THBS2: variants seen among roughly 807,000 people sequenced by gnomAD.
THBS2 encodes the protein thrombospondin-2.
In THBS2, 47 loss-of-function variants were observed where a neutral mutation model predicts 135.2. The observed-to-expected ratio is 0.35, with a 90% CI of 0.28 to 0.44. The LOEUF (loss-of-function observed/expected upper bound fraction) is 0.44. Ranked by LOEUF, THBS2 falls within the 20% of genes least tolerant of loss-of-function variation. The pLI, the probability that THBS2 is intolerant of heterozygous loss-of-function variation, is 1.00. For synonymous variants in THBS2, 639 were observed against 633.8 expected, an observed-to-expected ratio of 1.01 and a Z score of -0.12; for missense variants, 1,288 against 1,603.1, an observed-to-expected ratio of 0.80 and a Z score of 3.36.
Position 169,248,600 on chromosome 6 carries a change from G to T in THBS2, c.426C>A (p.Val142=), listed in dbSNP as rs570537028. The part of the protein sequence containing the change: ...GTRHVVSLED[V]GLADSQWKNV... ...TCTTCCACTGCGAGTCAGCCAGGCCGACGTCCTCCAGGGAGACCACATGCC... is the reference window on the plus strand; with the variant it reads ...TCTTCCACTGCGAGTCAGCCAGGCCTACGTCCTCCAGGGAGACCACATGCC... Residue 142 remains valine, a synonymous_variant, in exon 3 of 22, where the codon GTC becomes GTA. Transcript: ENST00000617924. 9.9e-6 allele frequency: 16 copies of T among 1,614,024 alleles called. No homozygotes were observed. In the African/African-American group the frequency reaches 1.3e-4, roughly 13 times the overall value.
At chr6:169,240,069 C>G (rs1780236060) in intron 6 of THBS2, among the ~76,000 whole-genome samples, 1 of 152,236 alleles carries the variant, frequency 6.6e-6, no homozygotes, top group African/African-American at 2.4e-5. Context: ...GCTAAATTGT[C>G]TGTCTGTAAG....
rs1780319196 is a variant in THBS2 at position 169,241,933 on chromosome 6, G to A, written c.720C>T (p.Asn240=). ...GCGGACCCAGGCGCAGCGTCTCTGTGTTCTCACTGATGGCGTTGATCTCAG... is the reference window on the plus strand; with the variant it reads ...GCGGACCCAGGCGCAGCGTCTCTGTATTCTCACTGATGGCGTTGATCTCAG... ...QGAEINAISE[N]TETLRLGPHV... Residue 240 remains asparagine, a synonymous_variant, in exon 5 of 22, where the codon AAC becomes AAT. Coordinates refer to ENST00000617924, the MANE Select transcript of THBS2 (RefSeq NM_003247.5). The surrounding 1 kb of genome is among the most constrained non-coding windows in gnomAD (Gnocchi z 5.5). 1.9e-6 allele frequency: 3 copies of A among 1,611,066 alleles called. No individual in the cohort carries two copies. The highest frequency in any genetic ancestry group is 2.5e-6 in the Non-Finnish European group (3 of 1,179,506).
At chr6:169,232,318 G>C in intron 12 of THBS2, 120 bp from the exon 13 acceptor site, 1 of 1,134,576 alleles carries the variant, frequency 8.8e-7, no homozygotes, top group South Asian at 1.4e-5. Flanking sequence ...CCCAAGTCCT[G>C]AAGTGGGAAG....
chr6:169,246,117 A>G (rs996160928), intron 4 of THBS2, 80 bp downstream of exon 4: 1 of 1,004,160 alleles, frequency 1.0e-6, no homozygotes, highest in African/African-American at 1.6e-5. Flanking sequence ...GCACACACAT[A>G]CACACACACA....
intron 14 of THBS2, 150 bp downstream of exon 14, chr6:169,229,422 T>C (rs542130521): frequency 1.7e-6 from 1 of 599,702 alleles, no homozygotes; most frequent in South Asian, 2.4e-5. Flanking sequence ...AAGGACTGTC[T>C]TTATAGTGAC....
At chr6:169,230,887 CAG>C (rs1035907964) in intron 13 of THBS2, among the ~76,000 whole-genome samples, 3 of 152,022 alleles carry the variant, frequency 2.0e-5, no homozygotes, top group Admixed American at 1.3e-4. Flanking sequence ...GCGGGACTGA[CAG>C]AGAAAATTAA....
Position 169,237,137 on chromosome 6 carries a change from G to A in THBS2, c.1477+33C>T, listed in dbSNP as rs116572125. The A allele has an allele frequency of 1.1e-3, 1,724 of 1,575,080 alleles. 22 individuals are homozygous for A. The African/African-American group carries it at 0.019, about 18-fold the overall frequency. On this transcript the variant is annotated intron_variant, in intron 9 of 21. Coordinates refer to ENST00000617924, the MANE Select transcript of THBS2 (RefSeq NM_003247.5). Reference sequence around the variant, plus strand: ...CTCACTGTGAGCTGCCTGCAAGCCCGCCCACCCAGGGCCCCGCCTTCACCG... The same window carrying A: ...CTCACTGTGAGCTGCCTGCAAGCCCACCCACCCAGGGCCCCGCCTTCACCG...
chr6:169,220,191 C>A lies in THBS2; in HGVS notation c.3511+7G>T, dbSNP rs779697543. The A allele has an allele frequency of 1.9e-6, 3 of 1,612,782 alleles. No homozygotes were observed. The highest frequency in any genetic ancestry group is 2.5e-6 in the Non-Finnish European group (3 of 1,179,426). ...CTTCCCCACTAACCTGAAGTGCTCA[C>A]ACTCACCTCTGCATTCGTACTTGAG... On this transcript the variant is annotated splice_region_variant and intron_variant, in intron 21 of 21. Coordinates refer to ENST00000617924, the MANE Select transcript of THBS2 (RefSeq NM_003247.5).
Position 169,237,932 on chromosome 6 carries a change from C to T in THBS2, c.1130-137G>A, listed in dbSNP as rs1386949230. The T allele has an allele frequency of 4.4e-6, 5 of 1,143,844 alleles. No homozygotes were observed. In the South Asian group the frequency reaches 8.4e-5, roughly 19 times the overall value. 70.9% of individuals were successfully genotyped at this position (1,143,844 alleles called of 1,614,324 possible). On this transcript the variant is annotated intron_variant, in intron 7 of 21. Coordinates refer to ENST00000617924, the MANE Select transcript of THBS2 (RefSeq NM_003247.5). ...CTGAGGGGCCACTGCCTGGCTGGGG[C>T]AGGTGGACATCCCAGTGGCTGGGCC...
At chr6:169,244,482 C>T (rs1780478507) in intron 4 of THBS2, among the ~76,000 whole-genome samples, 1 of 151,984 alleles carries the variant, frequency 6.6e-6, no homozygotes, top group African/African-American at 2.4e-5. Flanking sequence ...AATTATAGTA[C>T]AAACATGTGA....
At chr6:169,229,011 C>A (rs1411994153) in intron 14 of THBS2, among the ~76,000 whole-genome samples, 1 of 151,644 alleles carries the variant, frequency 6.6e-6, no homozygotes, top group Non-Finnish European at 1.5e-5. Flanking sequence ...TTGTAGATTG[C>A]TAAGGCAAAA....
At chr6:169,248,377 CT>C in intron 3 of THBS2, 39 bp downstream of exon 3, 1 of 1,562,662 alleles carries the variant, frequency 6.4e-7, no homozygotes, top group Non-Finnish European at 8.7e-7. Context: ...CAGCTAAGCT[CT>C]TTCCTCCCTC....
At position 169,216,935 on chromosome 6, in the gene THBS2, C is replaced by T. The variant is rs772540472; in HGVS notation, c.*887G>A. 1 of 152,234 alleles carries T rather than the reference C, an allele frequency of 6.6e-6. No individual in the cohort carries two copies. The highest frequency in any genetic ancestry group is 6.5e-5 in the Admixed American group (1 of 15,284). 9.4% of individuals were successfully genotyped at this position (152,234 alleles called of 1,614,324 possible). A position where few individuals can be genotyped will look rare whatever the true frequency, so the allele number is the denominator to read the frequency against. On this transcript the variant is annotated 3_prime_UTR_variant, in exon 22 of 22. Coordinates refer to ENST00000617924, the MANE Select transcript of THBS2 (RefSeq NM_003247.5). ...AGATACGCGTTAGATGCGCCTTTTCCGGCCTGTGCGTCTGCTCTGGTTCCT... is the reference window on the plus strand; with the variant it reads ...AGATACGCGTTAGATGCGCCTTTTCTGGCCTGTGCGTCTGCTCTGGTTCCT...
In THBS2 at chr6:169,229,685, A is replaced by G; in HGVS notation, c.2152-6T>C. 6.2e-7 allele frequency: 1 copy of G among 1,609,932 alleles called. No individual in the cohort carries two copies. Among genetic ancestry groups the G allele is most frequent in the Non-Finnish European group, 8.5e-7 (1 of 1,176,288 alleles). On this transcript the variant is annotated splice_region_variant and splice_polypyrimidine_tract_variant and intron_variant, in intron 13 of 21. Coordinates refer to ENST00000617924, the MANE Select transcript of THBS2 (RefSeq NM_003247.5). The stretch of plus-strand genomic sequence containing the variant: ...GGCAGATGGGGGCAGTTATCCTGCA[A>G]TTGGAGAAGGAAGAATACTTGGAAA...
chr6:169,250,655 T>C, intron 2 of THBS2, 78 bp downstream of exon 2: 1 of 1,368,750 alleles, frequency 7.3e-7, no homozygotes, highest in Admixed American at 2.0e-5. Flanking sequence ...CCACACACTT[T>C]ATTTTGTCAT....
chr6:169,231,643 T>G (rs565221945), intron 13 of THBS2, among the ~76,000 whole-genome samples: 1 of 152,344 alleles, frequency 6.6e-6, no homozygotes, highest in East Asian at 1.9e-4. Context: ...TGAGACACAA[T>G]GGCCTCTGCA....
intron 4 of THBS2, among the ~76,000 whole-genome samples, chr6:169,242,817 C>CCT (rs1780385433): frequency 2.0e-5 from 1 of 50,126 alleles, no homozygotes; most frequent in East Asian, 8.6e-4. Context: ...CTTCCCACCA[C>CCT]TCCCACCTTC....
rs111720407 is a variant in THBS2, at chr6:169,225,067, C to T, written c.2773+78G>A. ...CCAGCAGCAGATTTAAGATGATCTCCGTGCATACATATCTCTGCCCTGGCG... is the reference window on the plus strand; with the variant it reads ...CCAGCAGCAGATTTAAGATGATCTCTGTGCATACATATCTCTGCCCTGGCG... On this transcript the variant is annotated intron_variant, in intron 17 of 21. Transcript: ENST00000617924. The T allele has an allele frequency of 8.0e-5, 109 of 1,367,150 alleles. No homozygotes were observed. In the African/African-American group the frequency reaches 9.7e-4, roughly 12 times the overall value. The allele number at this position is 1,367,150 out of a possible 1,614,324, so 84.7% of individuals were successfully genotyped here. A position where few individuals can be genotyped will look rare whatever the true frequency, so the allele number is the denominator to read the frequency against.
In THBS2 at chr6:169,217,194, CGTTT is replaced by C. The variant is rs1779204324; in HGVS notation, c.*624_*627del. On this transcript the variant is annotated 3_prime_UTR_variant, in exon 22 of 22. Coordinates refer to ENST00000617924, the MANE Select transcript of THBS2 (RefSeq NM_003247.5). Reference sequence around the variant, plus strand: ...TTCATTGTAGGACAAGAGGAGAGTTCGTTTATTTTTGTAACTGTTTTACATGTTC... The same window carrying C: ...TTCATTGTAGGACAAGAGGAGAGTTCATTTTTGTAACTGTTTTACATGTTC... 6.6e-6 allele frequency: 1 copy of C among 152,206 alleles called. No homozygotes were observed. The allele number at this position is 152,206 out of a possible 1,614,324, so 9.4% of individuals were successfully genotyped here.
Sources: gnomAD v4.1 joint callset for allele counts (sites outside exome capture counted in the v4.1 genomes callset) on GRCh38, gnomAD v4.1.1 for gene constraint, Gnocchi (gnomAD v3.1) non-coding constraint, MANE v1.5 for transcripts, NCBI Gene and HGNC (gene_info 2026-07-23, HGNC 2026-07-21) for gene names.